Variants in PTPRH observed in about 807,000 individuals in gnomAD.
The protein encoded by PTPRH is receptor-type tyrosine-protein phosphatase H.
Under a neutral mutation model 130.2 loss-of-function variants are expected in PTPRH, and 113 were observed. The ratio of observed to expected loss-of-function variants is 0.87; its 90% confidence interval spans 0.75 to 1.01. The LOEUF (loss-of-function observed/expected upper bound fraction) is 1.01. Among genes scored for constraint, PTPRH ranks in the 50% least tolerant of loss-of-function variants. The pLI is 0.00. For missense variants in PTPRH, 1,430 were observed against 1,425.0 expected (o/e 1.00, Z -0.06); for synonymous variants, 556 against 577.9 (o/e 0.96, Z 0.54).
Position 55,181,846 on chromosome 19 carries a change from C to A in PTPRH, c.3256G>T (p.Ala1086Ser), listed in dbSNP as rs202214252. The A allele has an allele frequency of 2.5e-5, 40 of 1,614,190 alleles. No homozygotes were observed. In the African/African-American group the frequency reaches 2.8e-4, roughly 11 times the overall value. Reference sequence around the variant, plus strand: ...TACGGGACTTCCTTCTCGGCTGGGGCCTGGGCTGACTGTTGGAGGAACCGC... The same window carrying A: ...TACGGGACTTCCTTCTCGGCTGGGGACTGGGCTGACTGTTGGAGGAACCGC... ...ILRFLQQSAQ[A>S]PAEKEVPYED... The change falls in exon 20 of 20, where the codon GCC becomes TCC. Residue 1086 changes from alanine to serine, a missense_variant. Coordinates refer to ENST00000376350, the MANE Select transcript of PTPRH (RefSeq NM_002842.5).
intron 8 of PTPRH, among the ~76,000 whole-genome samples, chr19:55,197,888 C>G (rs901643353): frequency 6.6e-6 from 1 of 152,118 alleles, no homozygotes; most frequent in African/African-American, 2.4e-5. Flanking sequence ...TAAATTTCAT[C>G]TTTTTAGCCC....
intron 18 of PTPRH, 152 bp downstream of exon 18, chr19:55,185,350 C>G: frequency 1.2e-6 from 1 of 834,710 alleles, no homozygotes; most frequent in Non-Finnish European, 1.8e-6. Context: ...TTTTCTTAAT[C>G]TGCTTCACGC....
At chr19:55,207,122 C>A in intron 2 of PTPRH, 44 bp downstream of exon 2, 1 of 1,610,724 alleles carries the variant, frequency 6.2e-7, no homozygotes, top group Admixed American at 1.7e-5. Flanking sequence ...AGTTGCGGTC[C>A]CACCTCTTCG....
chr19:55,187,344 C>CAAAAAAAAAAAAAAAAAA (rs58124409), intron 14 of PTPRH, among the ~76,000 whole-genome samples, 169 bp downstream of exon 14: 1 of 45,308 alleles, frequency 2.2e-5, no homozygotes, highest in Non-Finnish European at 4.2e-5. Context: ...GACTCCGTCT[C>CAAAAAAAAAAAAAAAAAA]AAAAAAAAAA....
At position 55,181,606 on chromosome 19, in the gene PTPRH, G is replaced by T; in HGVS notation, c.*148C>A. The T allele has an allele frequency of 8.9e-7, 1 of 1,124,810 alleles. No individual in the cohort carries two copies. The allele number at this position is 1,124,810 out of a possible 1,614,324, so 69.7% of individuals were successfully genotyped here. The stretch of plus-strand genomic sequence containing the variant: ...AAGCCCACCAGACCACTCTCTCCTG[G>T]GGAAACCAGAGTTTGGGATACCAGC... On this transcript the variant is annotated 3_prime_UTR_variant, in exon 20 of 20. Coordinates refer to ENST00000376350, the MANE Select transcript of PTPRH (RefSeq NM_002842.5).
At chr19:55,195,902 A>T (rs941557891) in intron 10 of PTPRH, among the ~76,000 whole-genome samples, 3 of 151,890 alleles carry the variant, frequency 2.0e-5, no homozygotes, top group African/African-American at 7.3e-5. Context: ...CGTCCCAGAG[A>T]GGCAAATCTA....
At chr19:55,189,572 C>T (rs1253475185) in intron 12 of PTPRH, among the ~76,000 whole-genome samples, 3 of 152,210 alleles carry the variant, frequency 2.0e-5, no homozygotes, top group Non-Finnish European at 4.4e-5. Context: ...CCATCCCTGT[C>T]CTGGGAGCGC....
rs764491294 is a variant in PTPRH at position 55,186,506 on chromosome 19, A to C, written c.2601T>G (p.His867Gln). 1 of 1,603,180 alleles carries C rather than the reference A, an allele frequency of 6.2e-7. No individual in the cohort carries two copies. Among genetic ancestry groups the C allele is most frequent in the South Asian group, 1.1e-5 (1 of 90,690 alleles). ...DWSRVPLKPI[H>Q]EEPGSDYINA... The stretch of plus-strand genomic sequence containing the variant: ...TGATGTAGTCAGAGCCTGGCTCCTC[A>C]TGGATGGGCTTCAGGGGCACCCGGG... Residue 867 changes from histidine to glutamine, a missense_variant, in exon 15 of 20, where the codon CAT becomes CAG. Transcript: ENST00000376350.
chr19:55,194,314 T>G, intron 10 of PTPRH: 1 of 1,286,230 alleles, frequency 7.8e-7, no homozygotes, highest in Non-Finnish European at 1.0e-6. Context: ...AAGAGTGTGT[T>G]TGTTGACAGG....
Position 55,186,289 on chromosome 19 carries a change from C to G in PTPRH, c.2714G>C (p.Arg905Pro), listed in dbSNP as rs776242490. The G allele has an allele frequency of 6.2e-7, 1 of 1,613,940 alleles. No individual in the cohort carries two copies. The highest frequency in any genetic ancestry group is 2.2e-5 in the East Asian group (1 of 44,884). ...PLPQTVGDFW[R>P]LVWEQQSHTL... The stretch of plus-strand genomic sequence containing the variant: ...GTGGCTCTGCTGTTCCCACACCAGG[C>G]GCCAGAAGTCACCCACTGTCTGTGG... The change falls in exon 16 of 20, where the codon CGC (arginine) becomes CCC (proline). Residue 905 changes from arginine (R) to proline (P), a missense_variant. By Grantham distance (103) the Arg-to-Pro change is moderately radical. Coordinates refer to ENST00000376350, the MANE Select transcript of PTPRH (RefSeq NM_002842.5).
Position 55,191,668 on chromosome 19 carries a change from C to A in PTPRH, c.2331G>T (p.Lys777Asn). Residue 777 changes from lysine (K) to asparagine (N), a missense_variant, in exon 11 of 20, where the codon AAG becomes AAT. Coordinates refer to ENST00000376350, the MANE Select transcript of PTPRH (RefSeq NM_002842.5). ...ILVGLLIFFL[K>N]RRNKKKQQKP... ...AGCCCTGTGCTGAGTCTCACCTCCTCTTCAGGAAGAAAATCAGCAGGCCCA... is the reference window on the plus strand; with the variant it reads ...AGCCCTGTGCTGAGTCTCACCTCCTATTCAGGAAGAAAATCAGCAGGCCCA... The A allele has an allele frequency of 6.2e-7, 1 of 1,614,090 alleles. No individual in the cohort carries two copies. The highest frequency in any genetic ancestry group is 1.1e-5 in the South Asian group (1 of 91,076).
intron 18 of PTPRH, 93 bp from the exon 19 acceptor site, chr19:55,182,244 C>A: frequency 7.1e-7 from 1 of 1,410,760 alleles, no homozygotes; most frequent in South Asian, 1.2e-5. Context: ...TGAATGATGA[C>A]AATAACTATG....
In PTPRH at chr19:55,191,712, G is replaced by A; in HGVS notation, c.2287C>T (p.Leu763Phe). The part of the protein sequence containing the change: ...GVIAGAFVGI[L>F]LFLILVGLLI... ...AGGCCCACGAGGATGAGAAACAGGAGGATGCCCACAAAGGCTCCGGCAATG... is the reference window on the plus strand; with the variant it reads ...AGGCCCACGAGGATGAGAAACAGGAAGATGCCCACAAAGGCTCCGGCAATG... The change falls in exon 11 of 20, where the codon CTC becomes TTC. Residue 763 changes from leucine (L) to phenylalanine (F), a missense_variant. Coordinates refer to ENST00000376350, the MANE Select transcript of PTPRH (RefSeq NM_002842.5). 1 of 1,614,114 alleles carries A rather than the reference G, an allele frequency of 6.2e-7. No individual in the cohort carries two copies. The highest frequency in any genetic ancestry group is 8.5e-7 in the Non-Finnish European group (1 of 1,180,008).
intron 10 of PTPRH, among the ~76,000 whole-genome samples, chr19:55,193,710 C>G (rs1321809108): frequency 1.3e-5 from 2 of 152,162 alleles, no homozygotes; most frequent in East Asian, 3.8e-4. Context: ...AAACACTTTG[C>G]TGGTTGTGAA....
chr19:55,200,213 G>C (rs1402828381), intron 7 of PTPRH, 23 bp downstream of exon 7: 2 of 1,612,158 alleles, frequency 1.2e-6, no homozygotes, highest in Admixed American at 1.7e-5. Flanking sequence ...CCAAAACAGG[G>C]AGTGGCCGTT....
chr19:55,204,443 C>T (rs1421235838), intron 4 of PTPRH, among the ~76,000 whole-genome samples: 1 of 152,136 alleles, frequency 6.6e-6, no homozygotes, highest in East Asian at 1.9e-4. Context: ...CTAGTTGTCC[C>T]TCAACAGCTG....
intron 5 of PTPRH, 126 bp from the exon 6 acceptor site, chr19:55,202,448 C>T (rs983021393): frequency 7.2e-7 from 1 of 1,396,844 alleles, no homozygotes; most frequent in African/African-American, 1.5e-5. Flanking sequence ...TCCAGTGTGG[C>T]AGCCACGAGT....
At position 55,188,131 on chromosome 19, in the gene PTPRH, G is replaced by A; in HGVS notation, c.2422C>T (p.His808Tyr). The A allele has an allele frequency of 6.2e-7, 1 of 1,614,082 alleles. No individual in the cohort carries two copies. The highest frequency in any genetic ancestry group is 8.5e-7 in the Non-Finnish European group (1 of 1,180,006). The change falls in exon 13 of 20, where the codon CAC becomes TAC. Residue 808 changes from histidine to tyrosine, a missense_variant. Coordinates refer to ENST00000376350, the MANE Select transcript of PTPRH (RefSeq NM_002842.5). Reference protein sequence around the residue: ...GDIPAEDFADHVRKNERDSNC... With the variant: ...GDIPAEDFADYVRKNERDSNC... ...CTGTCCCTCTCATTCTTCCTGACGT[G>A]GTCAGCGAAGTCTTCAGCTGGGATG... is the stretch of plus-strand genomic sequence containing the variant.
chr19:55,194,406 T>G, intron 10 of PTPRH: 2 of 1,091,916 alleles, frequency 1.8e-6, no homozygotes, highest in Non-Finnish European at 2.3e-6. Context: ...CTAGAGGACC[T>G]GTTCTCTCAG....
Sources: allele counts gnomAD v4.1 joint callset (sites outside exome capture counted in the v4.1 genomes callset), GRCh38; gene constraint gnomAD v4.1.1; transcripts MANE v1.5; gene names NCBI Gene and HGNC (gene_info 2026-07-23, HGNC 2026-07-21).